Variants in PDE4D observed in about 807,000 individuals in gnomAD.
PDE4D encodes the protein phosphodiesterase 4D.
A neutral mutation model predicts 87.4 loss-of-function variants in PDE4D; 24 were observed. The observed-to-expected ratio is 0.27, with a 90% CI of 0.20 to 0.39. PDE4D has a LOEUF of 0.39. PDE4D is among the 10% of genes least tolerant of loss of function. The pLI is 1.00. For synonymous variants in PDE4D, 384 were observed against 383.2 expected (o/e 1.00, Z -0.02); for missense variants, 714 against 1,041.0 (o/e 0.69, Z 4.32).
chr5:59,869,964 C>T (rs1244458484), intron 1 of PDE4D, among the ~76,000 whole-genome samples: 2 of 152,176 alleles, frequency 1.3e-5, no homozygotes, highest in Non-Finnish European at 2.9e-5. Context: ...CGGAGTCCAG[C>T]TTCAACATTC....
chr5:60,006,627 AATAATGATG>A (rs1764503902), intron 2 of PDE4D, among the ~76,000 whole-genome samples: 1 of 151,986 alleles, frequency 6.6e-6, no homozygotes, highest in Admixed American at 6.6e-5. Context: ...CTCAACACAT[AATAATGATG>A]ATAATGATGA....
chr5:60,344,399 AC>A (rs1758568212), intron 1 of PDE4D, among the ~76,000 whole-genome samples: 1 of 152,066 alleles, frequency 6.6e-6, no homozygotes. Flanking sequence ...ATTTCCTGTA[AC>A]AAAGTGAATA....
At chr5:60,198,040 ATTT>A (rs5868224) in intron 1 of PDE4D, among the ~76,000 whole-genome samples, 1 of 144,482 alleles carries the variant, frequency 6.9e-6, no homozygotes. Context: ...AAGAATTTGG[ATTT>A]TTTTTTTTTT....
intron 1 of PDE4D, among the ~76,000 whole-genome samples, chr5:59,557,203 C>T (rs1044687241): frequency 8.5e-5 from 13 of 152,144 alleles, no homozygotes; most frequent in African/African-American, 2.2e-4. Context: ...AAAATAGGAA[C>T]TATTCTAAAA....
At chr5:60,495,174 C>CCCT in intron 1 of PDE4D, among the ~76,000 whole-genome samples, 1 of 152,216 alleles carries the variant, frequency 6.6e-6, no homozygotes, top group South Asian at 2.1e-4. Flanking sequence ...CAATCACCAG[C>CCCT]AACTAAAAGA....
intron 1 of PDE4D, among the ~76,000 whole-genome samples, chr5:59,375,727 T>C (rs1784606687): frequency 6.6e-6 from 1 of 151,896 alleles, no homozygotes; most frequent in South Asian, 2.1e-4. Flanking sequence ...CTGGTAGAAA[T>C]ATAACAAAAA....
intron 1 of PDE4D, among the ~76,000 whole-genome samples, chr5:59,670,179 C>A (rs1746958748): frequency 6.6e-6 from 1 of 152,036 alleles, no homozygotes; most frequent in Non-Finnish European, 1.5e-5. Flanking sequence ...AATAATATAT[C>A]TAATTCAGAG....
chr5:59,249,961 A>G (rs1305465353), intron 1 of PDE4D, among the ~76,000 whole-genome samples: 2 of 152,072 alleles, frequency 1.3e-5, no homozygotes, highest in Non-Finnish European at 2.9e-5. Context: ...CTCCCACCTC[A>G]GCCTCTTGAG....
At chr5:59,533,463 G>C (rs1215073160) in intron 1 of PDE4D, among the ~76,000 whole-genome samples, 1 of 152,108 alleles carries the variant, frequency 6.6e-6, no homozygotes, top group East Asian at 1.9e-4. Context: ...TAAAGGGTGG[G>C]GGGGTCAAAC....
At position 59,267,904 on chromosome 5, in the gene PDE4D, T is replaced by C. The variant is rs149267681; in HGVS notation, c.456-51936A>G. ...CTTGCAGGTGACCCCCTTTACCCTA[T>C]GGCAGAAATTCTTAGGGCTGAGATG... is the stretch of plus-strand genomic sequence containing the variant. On this transcript the variant is annotated intron_variant, in intron 1 of 14. Coordinates refer to ENST00000340635, the MANE Select transcript of PDE4D (RefSeq NM_001104631.2). Among the ~76,000 whole-genome samples the C allele has an allele frequency of 1.9e-3, 283 of 152,144 alleles. 6 individuals carry two copies. Among genetic ancestry groups the C allele is most frequent in the Admixed American group, 0.017 (260 of 15,264 alleles).
chr5:59,053,989 C>A lies in PDE4D; in HGVS notation c.809-15018G>T, dbSNP rs531873447. ...TCATCCACTATTTCACTAGGAATTA[C>A]TAATTCAGTTTACATAATTTATTCA... is the stretch of plus-strand genomic sequence containing the variant. On this transcript the variant is annotated intron_variant, in intron 5 of 14. Transcript: ENST00000340635. 1.1e-4 allele frequency among the ~76,000 whole-genome samples: 16 copies of A among 152,110 alleles called. No homozygotes were observed. The South Asian group carries it at 3.1e-3, about 30-fold the overall frequency.
chr5:59,252,163 C>T (rs910918726), intron 1 of PDE4D, among the ~76,000 whole-genome samples: 1 of 152,028 alleles, frequency 6.6e-6, no homozygotes. Context: ...CATGTACCCC[C>T]AAACCTAAAA....
chr5:59,341,736 T>C (rs1475112754), intron 1 of PDE4D, among the ~76,000 whole-genome samples: 1 of 152,190 alleles, frequency 6.6e-6, no homozygotes, highest in Non-Finnish European at 1.5e-5. Context: ...TGGTTGGTGA[T>C]TATTTCCTTC....
intron 1 of PDE4D, among the ~76,000 whole-genome samples, chr5:60,223,699 A>T (rs2149603418): frequency 6.6e-6 from 1 of 152,180 alleles, no homozygotes; most frequent in East Asian, 1.9e-4. Flanking sequence ...GATAATGGGG[A>T]TTTTCTAATT....
At chr5:59,259,880 C>A (rs919582229) in intron 1 of PDE4D, among the ~76,000 whole-genome samples, 4 of 151,784 alleles carry the variant, frequency 2.6e-5, no homozygotes, top group African/African-American at 4.8e-5. Flanking sequence ...ATAATAATTT[C>A]TTCTCTCCGT....
intron 1 of PDE4D, among the ~76,000 whole-genome samples, chr5:59,515,688 T>C (rs1411568014): frequency 2.6e-5 from 4 of 152,228 alleles, no homozygotes; most frequent in African/African-American, 9.7e-5. Flanking sequence ...GTTGCCATTT[T>C]GTAATAGCAA....
chr5:60,060,460 T>C (rs796730398), intron 2 of PDE4D, among the ~76,000 whole-genome samples: 8 of 152,204 alleles, frequency 5.3e-5, no homozygotes, highest in African/African-American at 1.9e-4. Context: ...GTTCCAGGAA[T>C]GCCTCTAAGA....
intron 1 of PDE4D, among the ~76,000 whole-genome samples, chr5:59,489,959 A>T (rs1434506540): frequency 1.3e-5 from 2 of 152,196 alleles, no homozygotes; most frequent in African/African-American, 4.8e-5. Context: ...GTTTAATAAG[A>T]TCTCTGGTAT....
chr5:59,212,924 C>A (rs768347788), intron 2 of PDE4D, among the ~76,000 whole-genome samples: 1 of 151,704 alleles, frequency 6.6e-6, no homozygotes, highest in Non-Finnish European at 1.5e-5. Flanking sequence ...CTTTTTTAAG[C>A]CTTTCCCTTT....
Sources: allele counts gnomAD v4.1 joint callset (sites outside exome capture counted in the v4.1 genomes callset), GRCh38; gene constraint gnomAD v4.1.1; transcripts MANE v1.5; gene names NCBI Gene and HGNC (gene_info 2026-07-23, HGNC 2026-07-21).